Variants in DMBX1 observed in about 807,000 individuals in gnomAD.
DMBX1 encodes the protein diencephalon/mesencephalon homeobox 1, also known as diencephalon/mesencephalon homeobox protein 1.
A neutral mutation model predicts 30.4 loss-of-function variants in DMBX1; 7 were observed. That is an observed-to-expected ratio of 0.23 (90% CI 0.13 to 0.43). The LOEUF (loss-of-function observed/expected upper bound fraction) is 0.43, where lower values mean the gene tolerates loss of function less well. Ranked by LOEUF, DMBX1 falls within the 20% of genes least tolerant of loss-of-function variation. The pLI, the probability that DMBX1 is intolerant of heterozygous loss-of-function variation, is 1.00. For synonymous variants in DMBX1, 222 were observed against 214.2 expected, an observed-to-expected ratio of 1.04 and a Z score of -0.32; for missense variants, 460 against 508.5, an observed-to-expected ratio of 0.90 and a Z score of 0.92.
chr1:46,514,698 G>T lies in DMBX1; in HGVS notation c.*2204G>T, dbSNP rs1666457530. Among the ~76,000 whole-genome samples the T allele has an allele frequency of 6.6e-6, 1 of 152,150 alleles. No homozygotes were observed. Among genetic ancestry groups the T allele is most frequent in the South Asian group, 2.1e-4 (1 of 4,816 alleles). On this transcript the variant is annotated 3_prime_UTR_variant, in exon 6 of 6. Transcript: ENST00000360032. Reference sequence around the variant, plus strand: ...AACACTCCAAACCCTGCTTAAAGAAGTTGATCTATCTGAAAGCCAGGGTAA... The same window carrying T: ...AACACTCCAAACCCTGCTTAAAGAATTTGATCTATCTGAAAGCCAGGGTAA...
In DMBX1 at chr1:46,510,508, C is replaced by A. The variant is rs1666342498; in HGVS notation, c.187C>A (p.His63Asn). Reference sequence around the variant, plus strand: ...CTTGGAGGCCCGTTATGGTTCCCAGCACCGCAAACAACGTCGCAGCCGCAC... The same window carrying A: ...CTTGGAGGCCCGTTATGGTTCCCAGAACCGCAAACAACGTCGCAGCCGCAC... ...IILEARYGSQ[H>N]RKQRRSRTAF... Residue 63 changes from histidine (H) to asparagine (N), a missense_variant, in exon 4 of 6, where the codon CAC becomes AAC. By Grantham distance (68) the His-to-Asn change is moderately conservative. Coordinates refer to ENST00000360032, the MANE Select transcript of DMBX1 (RefSeq NM_172225.2). This position sits in a 1 kb window ranked among gnomAD's most constrained non-coding sequence, Gnocchi z 4.1. 1 of 1,614,110 alleles carries A rather than the reference C, an allele frequency of 6.2e-7. No homozygotes were observed. Among genetic ancestry groups the A allele is most frequent in the East Asian group, 2.2e-5 (1 of 44,888 alleles).
chr1:46,506,657 T>C (rs1470058670), intron 2 of DMBX1, among the ~76,000 whole-genome samples: 1 of 152,202 alleles, frequency 6.6e-6, no homozygotes, highest in African/African-American at 2.4e-5. Context: ...ATGAACCCCA[T>C]GTTGCAGATA....
intron 2 of DMBX1, among the ~76,000 whole-genome samples, chr1:46,502,893 A>C (rs1324874330): frequency 1.3e-5 from 2 of 152,110 alleles, no homozygotes; most frequent in African/African-American, 4.8e-5. Flanking sequence ...AATAAAAAAA[A>C]CAAAACAAAA....
At chr1:46,507,251 T>G in intron 3 of DMBX1, 87 bp downstream of exon 3, 1 of 1,522,818 alleles carries the variant, frequency 6.6e-7, no homozygotes, top group Non-Finnish European at 8.9e-7. Flanking sequence ...GAGGGAGCAC[T>G]GGCCAAGCTT....
At position 46,490,716 on chromosome 1, in the gene DMBX1, T is replaced by C. The variant is rs1026654901; in HGVS notation, c.-80T>C. ...TTGCGATTCTGCACGAATTTTCCAGTTGAGGGTGGTTCGGCGCTCAGCCAG... is the reference window on the plus strand; with the variant it reads ...TTGCGATTCTGCACGAATTTTCCAGCTGAGGGTGGTTCGGCGCTCAGCCAG... On this transcript the variant is annotated 5_prime_UTR_variant, in exon 2 of 6. Coordinates refer to ENST00000360032, the MANE Select transcript of DMBX1 (RefSeq NM_172225.2). 2.0e-5 allele frequency among the ~76,000 whole-genome samples: 3 copies of C among 152,252 alleles called. No individual in the cohort carries two copies. The highest frequency in any genetic ancestry group is 4.4e-5 in the Non-Finnish European group (3 of 68,046).
chr1:46,498,541 G>A (rs1666066506), intron 2 of DMBX1, among the ~76,000 whole-genome samples: 1 of 151,766 alleles, frequency 6.6e-6, no homozygotes, highest in Non-Finnish European at 1.5e-5. Context: ...ACAATACACT[G>A]ACCTAGCAGC....
rs1338202899 is a variant in DMBX1 at position 46,515,658 on chromosome 1, G to C, written c.*3164G>C. 6.6e-6 allele frequency among the ~76,000 whole-genome samples: 1 copy of C among 152,248 alleles called. No homozygotes were observed. Among genetic ancestry groups the C allele is most frequent in the South Asian group, 2.1e-4 (1 of 4,834 alleles). ...CACCTGTGTCTCCTCCAAGCACACT[G>C]GTAAGCGGCACCGTGCATCTCCTCT... On this transcript the variant is annotated 3_prime_UTR_variant, in exon 6 of 6. Coordinates refer to ENST00000360032, the MANE Select transcript of DMBX1 (RefSeq NM_172225.2).
At chr1:46,492,699 C>T (rs1030868715) in intron 2 of DMBX1, among the ~76,000 whole-genome samples, 4 of 150,684 alleles carry the variant, frequency 2.7e-5, no homozygotes, top group African/African-American at 4.8e-5. Context: ...GGCTGACAGG[C>T]ACGCAGAGTG....
At chr1:46,499,023 G>A (rs1418198650) in intron 2 of DMBX1, among the ~76,000 whole-genome samples, 1 of 151,974 alleles carries the variant, frequency 6.6e-6, no homozygotes, top group Non-Finnish European at 1.5e-5. Context: ...ATACCAGAGG[G>A]AATGTGTTTT....
Position 46,491,991 on chromosome 1 carries a change from G to A in DMBX1, c.-13+1208G>A, listed in dbSNP as rs1332522892. On this transcript the variant is annotated intron_variant, in intron 2 of 5. Coordinates refer to ENST00000360032, the MANE Select transcript of DMBX1 (RefSeq NM_172225.2). The surrounding 1 kb of genome is among the most constrained non-coding windows in gnomAD (Gnocchi z 5.5). ...TGGGGTAGACACACTTTTGGGAAAA[G>A]AAGCAGGGCATTGCTACTCAGGAGG... 6.6e-6 allele frequency among the ~76,000 whole-genome samples: 1 copy of A among 152,210 alleles called. No individual in the cohort carries two copies. The highest frequency in any genetic ancestry group is 2.4e-5 in the African/African-American group (1 of 41,440).
At position 46,493,359 on chromosome 1, in the gene DMBX1, G is replaced by T. The variant is rs913662320; in HGVS notation, c.-13+2576G>T. On this transcript the variant is annotated intron_variant, in intron 2 of 5. Transcript: ENST00000360032. This position sits in a 1 kb window ranked among gnomAD's most constrained non-coding sequence, Gnocchi z 4.1. ...CTCAGTTTCCCTTTCTGTAAGAAGG[G>T]CACCGAGCTGGGCTCTCCAATGTCC... is the stretch of plus-strand genomic sequence containing the variant. Among the ~76,000 whole-genome samples, 1 of 152,148 alleles carries T rather than the reference G, an allele frequency of 6.6e-6. No homozygotes were observed. The highest frequency in any genetic ancestry group is 2.4e-5 in the African/African-American group (1 of 41,436).
rs1010871937 is a variant in DMBX1, at chr1:46,491,155, C to T, written c.-13+372C>T. ...TTAAGGAGCTTGAGGGAAACCTCCT[C>T]TTCCCCAAATTCGCACCAAATCTGG... On this transcript the variant is annotated intron_variant, in intron 2 of 5. Coordinates refer to ENST00000360032, the MANE Select transcript of DMBX1 (RefSeq NM_172225.2). This position sits in a 1 kb window ranked among gnomAD's most constrained non-coding sequence, Gnocchi z 5.5. Among the ~76,000 whole-genome samples, 1 of 152,218 alleles carries T rather than the reference C, an allele frequency of 6.6e-6. No homozygotes were observed. The highest frequency in any genetic ancestry group is 1.5e-5 in the Non-Finnish European group (1 of 68,036).
At chr1:46,504,094 G>A (rs376200463) in intron 2 of DMBX1, among the ~76,000 whole-genome samples, 1 of 151,962 alleles carries the variant, frequency 6.6e-6, no homozygotes, top group Non-Finnish European at 1.5e-5. Flanking sequence ...GTTTGAGTTC[G>A]TTGTAGATTC....
Position 46,507,025 on chromosome 1 carries a change from G to C in DMBX1, c.15G>C (p.Gly5=). 6.2e-7 allele frequency: 1 copy of C among 1,614,210 alleles called. No individual in the cohort carries two copies. Among genetic ancestry groups the C allele is most frequent in the Non-Finnish European group, 8.5e-7 (1 of 1,180,036 alleles). Reference sequence around the variant, plus strand: ...CGGATGCCGCCATGCAGCACTACGGGGTGAACGGCTACTCACTGCACGCCA... The same window carrying C: ...CGGATGCCGCCATGCAGCACTACGGCGTGAACGGCTACTCACTGCACGCCA... The part of the protein sequence containing the change: MQHY[G]VNGYSLHAMN... The change falls in exon 3 of 6, where the codon GGG becomes GGC. Residue 5 remains glycine, a synonymous_variant. Transcript: ENST00000360032.
Position 46,515,634 on chromosome 1 carries a change from A to G in DMBX1, c.*3140A>G, listed in dbSNP as rs1666475341. ...CAGCTGGAGAGCAAGAGGAGAGGACACCTGTGTCTCCTCCAAGCACACTGG... is the reference window on the plus strand; with the variant it reads ...CAGCTGGAGAGCAAGAGGAGAGGACGCCTGTGTCTCCTCCAAGCACACTGG... On this transcript the variant is annotated 3_prime_UTR_variant, in exon 6 of 6. Transcript: ENST00000360032. Among the ~76,000 whole-genome samples the G allele has an allele frequency of 1.3e-5, 2 of 152,226 alleles. No individual in the cohort carries two copies. Among genetic ancestry groups the G allele is most frequent in the South Asian group, 4.1e-4 (2 of 4,834 alleles).
Position 46,510,850 on chromosome 1 carries a change from C to T in DMBX1, c.334-85C>T, listed in dbSNP as rs1355210001. The T allele has an allele frequency of 3.4e-5, 47 of 1,396,012 alleles. No individual in the cohort carries two copies. Among genetic ancestry groups the T allele is most frequent in the East Asian group, 5.0e-5 (2 of 40,228 alleles). 86.5% of individuals were successfully genotyped at this position (1,396,012 alleles called of 1,614,324 possible). On this transcript the variant is annotated intron_variant, in intron 4 of 5. Transcript: ENST00000360032. This position sits in a 1 kb window ranked among gnomAD's most constrained non-coding sequence, Gnocchi z 4.1. ...CTAGAGGGGTGGGGGGATGTTATCA[C>T]GTACATCCTCTCCCAGAGCACCCTG...
intron 2 of DMBX1, among the ~76,000 whole-genome samples, chr1:46,492,766 G>C (rs2148480173): frequency 6.6e-6 from 1 of 152,216 alleles, no homozygotes; most frequent in African/African-American, 2.4e-5. Context: ...CACACTTTGA[G>C]AAGTCACACA....
intron 2 of DMBX1, among the ~76,000 whole-genome samples, chr1:46,504,746 G>T (rs1666199103): frequency 6.6e-6 from 1 of 151,284 alleles, no homozygotes; most frequent in Non-Finnish European, 1.5e-5. Flanking sequence ...TTCCAATTCT[G>T]TGAAGAAAGT....
rs1666483030 is a variant in DMBX1 at position 46,515,924 on chromosome 1, C to T, written c.*3430C>T. Among the ~76,000 whole-genome samples the T allele has an allele frequency of 6.6e-6, 1 of 152,228 alleles. No homozygotes were observed. Among genetic ancestry groups the T allele is most frequent in the Admixed American group, 6.5e-5 (1 of 15,282 alleles). ...CATGGTCCAGGGGCCCGGATCCCAA[C>T]CCCAACTCCAAGGCTGGTGGGCTCT... is the stretch of plus-strand genomic sequence containing the variant. On this transcript the variant is annotated 3_prime_UTR_variant, in exon 6 of 6. Transcript: ENST00000360032.
Sources: gnomAD v4.1 joint callset for allele counts (sites outside exome capture counted in the v4.1 genomes callset) on GRCh38, gnomAD v4.1.1 for gene constraint, Gnocchi (gnomAD v3.1) non-coding constraint, MANE v1.5 for transcripts, NCBI Gene and HGNC (gene_info 2026-07-23, HGNC 2026-07-21) for gene names.